AKAP6: variants seen among roughly 807,000 people sequenced by gnomAD.
The protein encoded by AKAP6 is A-kinase anchoring protein 6, also known as A-kinase anchor protein 6.
AKAP6 carries 58 observed loss-of-function variants against 188.5 expected under a neutral mutation model. The observed-to-expected ratio is 0.31, with a 90% CI of 0.25 to 0.38. The LOEUF is 0.38. Among genes scored for constraint, AKAP6 ranks in the 10% least tolerant of loss-of-function variants. AKAP6 has a pLI of 1.00. For missense variants in AKAP6, 2,710 were observed against 2,740.0 expected (o/e 0.99, Z 0.24); for synonymous variants, 989 against 998.6 (o/e 0.99, Z 0.18).
At chr14:32,608,946 T>TA (rs34696308) in intron 7 of AKAP6, among the ~76,000 whole-genome samples, 58,541 of 151,950 alleles carry the variant, frequency 0.39, 11,946 homozygotes, top group East Asian at 0.74. Context: ...GAATTGCTTC[T>TA]AAAAAACACT....
chr14:32,667,834 T>C (rs537587741), intron 7 of AKAP6, among the ~76,000 whole-genome samples: 4 of 152,164 alleles, frequency 2.6e-5, no homozygotes, highest in Non-Finnish European at 5.9e-5. Flanking sequence ...TTCTTTTCTC[T>C]CTATCACCAT....
chr14:32,698,858 T>C (rs1890513102), intron 9 of AKAP6, among the ~76,000 whole-genome samples: 1 of 152,146 alleles, frequency 6.6e-6, no homozygotes, highest in African/African-American at 2.4e-5. Context: ...GTGAAACTTC[T>C]AAGGGAGATC....
At chr14:32,412,778 T>C (rs1889529378) in intron 1 of AKAP6, among the ~76,000 whole-genome samples, 1 of 152,198 alleles carries the variant, frequency 6.6e-6, no homozygotes, top group African/African-American at 2.4e-5. Context: ...CCCATATGCA[T>C]AGTAGATCAA....
At position 32,433,469 on chromosome 14, in the gene AKAP6, A is replaced by G. The variant is rs1294530051; in HGVS notation, c.-25A>G. On this transcript the variant is annotated 5_prime_UTR_variant, in exon 2 of 14. Coordinates refer to ENST00000280979, the MANE Select transcript of AKAP6 (RefSeq NM_004274.5). ...TCCTCTTGCCTTTCAGCTGTTTTGG[A>G]AAGAAGTGAGGTTTAGACTTCTCCA... 3 of 1,596,542 alleles carry G rather than the reference A, an allele frequency of 1.9e-6. No individual in the cohort carries two copies. The highest frequency in any genetic ancestry group is 2.2e-5 in the East Asian group (1 of 44,502).
intron 1 of AKAP6, chr14:32,373,352 A>T (rs1888069613): frequency 6.6e-6 from 1 of 152,108 alleles, no homozygotes; most frequent in East Asian, 1.9e-4. Flanking sequence ...AGATGAAATC[A>T]TAGGGAGTTA....
chr14:32,601,506 C>T (rs1263250058), intron 7 of AKAP6, among the ~76,000 whole-genome samples: 5 of 152,146 alleles, frequency 3.3e-5, no homozygotes, highest in Non-Finnish European at 2.9e-5. Flanking sequence ...CTAAAGGTAT[C>T]TTTGGGCTCA....
rs189775801 is a variant in AKAP6 at position 32,340,967 on chromosome 14, G to A, written c.-35+11559G>A. On this transcript the variant is annotated intron_variant, in intron 1 of 13. Transcript: ENST00000280979. The stretch of plus-strand genomic sequence containing the variant: ...CCTAATATCATCACCTTGGGGGTTA[G>A]GATTTTAACATATAAATTTTGGGAA... 2.4e-3 allele frequency among the ~76,000 whole-genome samples: 359 copies of A among 152,252 alleles called. 1 individual carries two copies. The highest frequency in any genetic ancestry group is 3.0e-3 in the Non-Finnish European group (203 of 68,014).
At chr14:32,594,485 A>C (rs79490092) in intron 5 of AKAP6, among the ~76,000 whole-genome samples, 3,574 of 152,262 alleles carry the variant, frequency 0.023, 82 homozygotes, top group East Asian at 0.12. Context: ...ACTCATAGAA[A>C]TCTTCCGATT....
At chr14:32,826,100 T>C (rs2034666525) in intron 13 of AKAP6, among the ~76,000 whole-genome samples, 1 of 152,144 alleles carries the variant, frequency 6.6e-6, no homozygotes, top group Admixed American at 6.5e-5. Context: ...TTTTTTTTCC[T>C]GCAACACCTG....
chr14:32,686,868 C>CT (rs955936293), intron 8 of AKAP6, among the ~76,000 whole-genome samples: 9 of 152,264 alleles, frequency 5.9e-5, no homozygotes, highest in Non-Finnish European at 1.3e-4. Flanking sequence ...GTATGCCTGA[C>CT]TTCCTCTGGC....
chr14:32,593,470 C>T (rs1044345195), intron 5 of AKAP6, among the ~76,000 whole-genome samples: 3 of 152,102 alleles, frequency 2.0e-5, no homozygotes, highest in African/African-American at 7.2e-5. Flanking sequence ...CAGGATGAGA[C>T]ATTAGAAGAG....
At chr14:32,639,501 G>T (rs1887664828) in intron 7 of AKAP6, among the ~76,000 whole-genome samples, 1 of 152,054 alleles carries the variant, frequency 6.6e-6, no homozygotes, top group South Asian at 2.1e-4. Flanking sequence ...GTTGTCAAGG[G>T]TTCATTGAGT....
chr14:32,644,217 T>C (rs1887886012), intron 7 of AKAP6, among the ~76,000 whole-genome samples: 1 of 152,180 alleles, frequency 6.6e-6, no homozygotes, highest in African/African-American at 2.4e-5. Flanking sequence ...ACACAGAGCT[T>C]AGTCCAAATG....
chr14:32,516,110 T>C lies in AKAP6; in HGVS notation c.325-19444T>C, dbSNP rs17099220. On this transcript the variant is annotated intron_variant, in intron 2 of 13. Coordinates refer to ENST00000280979, the MANE Select transcript of AKAP6 (RefSeq NM_004274.5). ...TCACCTGGCATACCTAGCATTAGAG[T>C]TGAGTTTCTTTGGTATATCATTGAT... 5.3e-3 allele frequency among the ~76,000 whole-genome samples: 799 copies of C among 152,144 alleles called. 7 individuals are homozygous for C. Among genetic ancestry groups the C allele is most frequent in the African/African-American group, 0.016 (677 of 41,512 alleles).
In AKAP6 at chr14:32,730,780, A is replaced by G. The variant is rs1215365432; in HGVS notation, c.3001-1674A>G. On this transcript the variant is annotated intron_variant, in intron 9 of 13. Coordinates refer to ENST00000280979, the MANE Select transcript of AKAP6 (RefSeq NM_004274.5). Reference sequence around the variant, plus strand: ...AAATCTTTGTCAGCTATATCATTTTAGATGGGAACCTGATTACATAAAGCA... The same window carrying G: ...AAATCTTTGTCAGCTATATCATTTTGGATGGGAACCTGATTACATAAAGCA... Among the ~76,000 whole-genome samples, 3 of 152,224 alleles carry G rather than the reference A, an allele frequency of 2.0e-5. No individual in the cohort carries two copies. The East Asian group carries it at 5.8e-4, about 29-fold the overall frequency.
rs574008923 is a variant in AKAP6, at chr14:32,532,612, G to T, written c.325-2942G>T. On this transcript the variant is annotated intron_variant, in intron 2 of 13. Transcript: ENST00000280979. ...AAGTCTCTATGTAACATTTTGTATT[G>T]CAGGATGGTGTGGAGTAGATGAGAA... 6.3e-4 allele frequency among the ~76,000 whole-genome samples: 96 copies of T among 152,262 alleles called. 2 individuals are homozygous for T. Among genetic ancestry groups the T allele is most frequent in the Middle Eastern group, 6.8e-3 (2 of 294 alleles).
chr14:32,688,683 A>C (rs1890033657), intron 8 of AKAP6, among the ~76,000 whole-genome samples: 1 of 152,266 alleles, frequency 6.6e-6, no homozygotes, highest in Admixed American at 6.5e-5. Context: ...CTGTGATACT[A>C]CACCCGTGCA....
chr14:32,766,231 T>A (rs1044528168), intron 11 of AKAP6, among the ~76,000 whole-genome samples: 1 of 152,170 alleles, frequency 6.6e-6, no homozygotes, highest in Non-Finnish European at 1.5e-5. Flanking sequence ...TTATATGTAT[T>A]TACTGCATTT....
At chr14:32,377,472 G>A (rs954045362) in intron 1 of AKAP6, among the ~76,000 whole-genome samples, 1 of 151,904 alleles carries the variant, frequency 6.6e-6, no homozygotes, top group South Asian at 2.1e-4. Flanking sequence ...CATGTGGCTC[G>A]TCACTCCCAT....
Sources: gnomAD v4.1 joint callset for allele counts (sites outside exome capture counted in the v4.1 genomes callset) on GRCh38, gnomAD v4.1.1 for gene constraint, MANE v1.5 for transcripts, NCBI Gene and HGNC (gene_info 2026-07-23, HGNC 2026-07-21) for gene names.